FDFT1: variants seen among roughly 807,000 people sequenced by gnomAD.
FDFT1 encodes farnesyl-diphosphate farnesyltransferase 1, also known as squalene synthase.
Under a neutral mutation model 46.8 loss-of-function variants are expected in FDFT1, and 68 were observed. The ratio of observed to expected loss-of-function variants is 1.45; its 90% CI spans 1.19 to 1.78. The LOEUF (loss-of-function observed/expected upper bound fraction) is 1.78, where lower values mean the gene tolerates loss of function less well. FDFT1 is among the 40% of genes most tolerant of loss of function. The pLI, the probability that FDFT1 is intolerant of heterozygous loss-of-function variation, is 0.00. For missense variants in FDFT1, 928 were observed against 524.4 expected (o/e 1.77, Z -7.52); for synonymous variants, 351 against 185.1 (o/e 1.90, Z -7.28).
chr8:11,803,231 T>A (rs1316865154), intron 1 of FDFT1: 8 of 1,390,988 alleles, frequency 5.8e-6, no homozygotes, highest in Non-Finnish European at 6.6e-6. Context: ...TACCGGTATT[T>A]TAACCCGAGG....
At chr8:11,808,357 C>G (rs938076862) in intron 1 of FDFT1, 2 of 1,226,346 alleles carry the variant, frequency 1.6e-6, no homozygotes, top group East Asian at 6.4e-5. Flanking sequence ...CGGTGCGGAG[C>G]GGGAGGCCGG....
At chr8:11,830,770 C>A (rs1810665055) in intron 6 of FDFT1, among the ~76,000 whole-genome samples, 1 of 152,176 alleles carries the variant, frequency 6.6e-6, no homozygotes, top group Non-Finnish European at 1.5e-5. Flanking sequence ...ATTAAAAAGT[C>A]TTCATTAAGC....
intron 1 of FDFT1, chr8:11,803,249 A>G (rs747450599): frequency 2.9e-5 from 39 of 1,367,276 alleles, no homozygotes; most frequent in Non-Finnish European, 3.8e-5. Flanking sequence ...AGGGTTACAC[A>G]TCTGAGGCAA....
At position 11,826,262 on chromosome 8, in the gene FDFT1, C is replaced by G. The variant is rs774017324; in HGVS notation, c.702+47C>G. The G allele has an allele frequency of 2.0e-5, 27 of 1,365,234 alleles. No individual in the cohort carries two copies. The South Asian group carries it at 3.0e-4, about 15-fold the overall frequency. The allele number at this position is 1,365,234 out of a possible 1,614,324, so 84.6% of individuals were successfully genotyped here. ...GGGGGAAAATAACTTTAGACATTCTCTGAAAAATCCTTTAACTCTTGTGGT... is the reference window on the plus strand; with the variant it reads ...GGGGGAAAATAACTTTAGACATTCTGTGAAAAATCCTTTAACTCTTGTGGT... On this transcript the variant is annotated intron_variant, in intron 5 of 7. Coordinates refer to ENST00000220584, the MANE Select transcript of FDFT1 (RefSeq NM_004462.5).
rs1257638320 is a variant in FDFT1, at chr8:11,802,741, G to T, written c.-92G>T. On this transcript the variant is annotated 5_prime_UTR_variant, in exon 1 of 8. Coordinates refer to ENST00000220584, the MANE Select transcript of FDFT1 (RefSeq NM_004462.5). ...CTGCCCCCTGTCCGGCCAGCCCCTCGAAGCACCTACTCCACAGGTCCAGCC... is the reference window on the plus strand; with the variant it reads ...CTGCCCCCTGTCCGGCCAGCCCCTCTAAGCACCTACTCCACAGGTCCAGCC... 1.7e-5 allele frequency: 17 copies of T among 984,886 alleles called. No homozygotes were observed. The highest frequency in any genetic ancestry group is 2.5e-4 in the Middle Eastern group (1 of 4,036). The allele number at this position is 984,886 out of a possible 1,614,324, so 61.0% of individuals were successfully genotyped here. A position where few individuals can be genotyped will look rare whatever the true frequency, so the allele number is the denominator to read the frequency against.
intron 3 of FDFT1, among the ~76,000 whole-genome samples, chr8:11,818,208 T>C (rs1585923777): frequency 6.6e-6 from 1 of 152,210 alleles, no homozygotes; most frequent in African/African-American, 2.4e-5. Context: ...TAATTTGATT[T>C]CACTGTGGTC....
At position 11,839,130 on chromosome 8, in the gene FDFT1, TC is replaced by T. The variant is rs1304590525; in HGVS notation, c.*523del. ...TTTCCTAAGAATGCAAACTGCCTTT[TC>T]CACACAAAGGCTGGGAATAAAATTC... is the stretch of plus-strand genomic sequence containing the variant. On this transcript the variant is annotated 3_prime_UTR_variant, in exon 8 of 8. Coordinates refer to ENST00000220584, the MANE Select transcript of FDFT1 (RefSeq NM_004462.5). The T allele has an allele frequency of 2.6e-5, 4 of 155,158 alleles. No homozygotes were observed. The highest frequency in any genetic ancestry group is 7.2e-5 in the African/African-American group (3 of 41,452). 9.6% of individuals were successfully genotyped at this position (155,158 alleles called of 1,614,324 possible). A position where few individuals can be genotyped will look rare whatever the true frequency, so the allele number is the denominator to read the frequency against.
intron 7 of FDFT1, 94 bp from the exon 8 acceptor site, chr8:11,838,294 G>T (rs1001512569): frequency 2.2e-6 from 2 of 912,642 alleles, no homozygotes; most frequent in Middle Eastern, 2.4e-4. Flanking sequence ...TGGTAAAATG[G>T]GTATAAAATA....
chr8:11,807,047 C>T (rs990385355), intron 1 of FDFT1, among the ~76,000 whole-genome samples: 1 of 152,080 alleles, frequency 6.6e-6, no homozygotes, highest in Non-Finnish European at 1.5e-5. Flanking sequence ...ACATAGTTCA[C>T]TTAAACCTCC....
chr8:11,817,918 G>T (rs951427154), intron 3 of FDFT1, among the ~76,000 whole-genome samples: 1 of 150,622 alleles, frequency 6.6e-6, no homozygotes, highest in Non-Finnish European at 1.5e-5. Context: ...CAATTTGTTT[G>T]CTCTTGCTTT....
intron 7 of FDFT1, among the ~76,000 whole-genome samples, chr8:11,834,229 G>C (rs1811239857): frequency 6.6e-6 from 1 of 152,216 alleles, no homozygotes; most frequent in Admixed American, 6.5e-5. Context: ...TTGGAGTGCA[G>C]CCCCAGGTCT....
chr8:11,801,692 TA>T, upstream of FDFT1: 1 of 266,746 alleles, frequency 3.7e-6, no homozygotes, highest in Non-Finnish European at 6.9e-6. Context: ...AGGTAGCCAG[TA>T]GGTTTTTTTT....
intron 1 of FDFT1, among the ~76,000 whole-genome samples, chr8:11,807,340 T>A (rs1393898471): frequency 7.4e-6 from 1 of 135,362 alleles, no homozygotes; most frequent in Non-Finnish European, 1.6e-5. Flanking sequence ...TTAAAAACTT[T>A]TTTATGAACA....
chr8:11,813,718 G>C (rs1300563261), intron 3 of FDFT1, among the ~76,000 whole-genome samples: 1 of 152,190 alleles, frequency 6.6e-6, no homozygotes, highest in Non-Finnish European at 1.5e-5. Flanking sequence ...CTCGCTCTGG[G>C]ACCTTCCTTC....
intron 1 of FDFT1, chr8:11,803,152 A>G: frequency 7.0e-7 from 1 of 1,425,428 alleles, no homozygotes; most frequent in Non-Finnish European, 9.2e-7. Flanking sequence ...CGCCCTGGGC[A>G]TGAGCGACTT....
At position 11,826,076 on chromosome 8, in the gene FDFT1, C is replaced by T. The variant is rs770334152; in HGVS notation, c.563C>T (p.Ser188Leu). 149 of 1,606,268 alleles carry T rather than the reference C, an allele frequency of 9.3e-5. No individual in the cohort carries two copies. Among genetic ancestry groups the T allele is most frequent in the Non-Finnish European group, 1.2e-4 (139 of 1,174,074 alleles). The change falls in exon 5 of 8, where the codon TCA becomes TTA. Residue 188 changes from serine to leucine, a missense_variant. Coordinates refer to ENST00000220584, the MANE Select transcript of FDFT1 (RefSeq NM_004462.5). ...GGAATTGGCCTTTCCCGTCTTTTCT[C>T]AGCCTCAGAGTTTGAAGACCCCTTA... is the stretch of plus-strand genomic sequence containing the variant. ...LVGIGLSRLF[S>L]ASEFEDPLVG...
intron 5 of FDFT1, among the ~76,000 whole-genome samples, chr8:11,826,563 C>T (rs141133312): frequency 0.014 from 2,147 of 152,286 alleles, 44 homozygotes; most frequent in African/African-American, 0.048. Context: ...CCTGTAATCC[C>T]AACAGTTTGA....
At chr8:11,828,243 G>A (rs1692797) in intron 5 of FDFT1, among the ~76,000 whole-genome samples, 148,884 of 152,278 alleles carry the variant, frequency 0.98, 72,870 homozygotes, top group East Asian at 1. Flanking sequence ...AACCATGATC[G>A]CACCACTGCA....
In FDFT1 at chr8:11,826,167, T is replaced by C; in HGVS notation, c.654T>C (p.Arg218=). 6.3e-7 allele frequency: 1 copy of C among 1,597,058 alleles called. No homozygotes were observed. The highest frequency in any genetic ancestry group is 8.6e-7 in the Non-Finnish European group (1 of 1,167,312). Reference sequence around the variant, plus strand: ...TTTTGCAGAAAACAAACATCATCCGTGACTATCTGGAAGACCAGCAAGGAG... The same window carrying C: ...TTTTGCAGAAAACAAACATCATCCGCGACTATCTGGAAGACCAGCAAGGAG... ...GLFLQKTNII[R]DYLEDQQGGR... is the part of the protein sequence containing the mutation. The change falls in exon 5 of 8, where the codon CGT becomes CGC. Residue 218 remains arginine (R), a synonymous_variant. Coordinates refer to ENST00000220584, the MANE Select transcript of FDFT1 (RefSeq NM_004462.5).
Sources: gnomAD v4.1 joint callset for allele counts (sites outside exome capture counted in the v4.1 genomes callset) on GRCh38, gnomAD v4.1.1 for gene constraint, MANE v1.5 for transcripts, NCBI Gene and HGNC (gene_info 2026-07-23, HGNC 2026-07-21) for gene names.